UNC79: variants seen among roughly 807,000 people sequenced by gnomAD.
The protein encoded by UNC79 is unc-79 subunit of NALCN channel complex, also known as protein unc-79 homolog.
In UNC79, 37 loss-of-function variants were observed where a neutral mutation model predicts 283.1. The observed-to-expected ratio is 0.13, with a 90% CI of 0.10 to 0.17. UNC79 has a LOEUF of 0.17. UNC79 is among the 10% of genes least tolerant of loss of function. The pLI, the probability that UNC79 is intolerant of heterozygous loss-of-function variation, is 1.00. For synonymous variants in UNC79, 1,107 were observed against 1,200.2 expected (o/e 0.92, Z 1.61); for missense variants, 2,272 against 3,211.1 (o/e 0.71, Z 7.07).
At chr14:93,593,566 A>C (rs1228816105) in intron 22 of UNC79, 114 bp from the exon 23 acceptor site, 3 of 1,284,058 alleles carry the variant, frequency 2.3e-6, no homozygotes, top group Non-Finnish European at 3.2e-6. Context: ...ATTTCACCAA[A>C]AGCACCCCTA....
chr14:93,598,102 T>TG (rs2065208606), intron 24 of UNC79, among the ~76,000 whole-genome samples: 1 of 152,100 alleles, frequency 6.6e-6, no homozygotes, highest in Non-Finnish European at 1.5e-5. Flanking sequence ...TCCTCCTTCC[T>TG]CAGCCTCCTG....
intron 10 of UNC79, among the ~76,000 whole-genome samples, chr14:93,530,259 A>G (rs1416500231): frequency 1.3e-5 from 2 of 152,072 alleles, no homozygotes; most frequent in African/African-American, 2.4e-5. Flanking sequence ...TCAAAGGCAC[A>G]TTTTGAAAAT....
At chr14:93,502,911 T>C (rs1192912296) in intron 7 of UNC79, among the ~76,000 whole-genome samples, 1 of 152,220 alleles carries the variant, frequency 6.6e-6, no homozygotes, top group African/African-American at 2.4e-5. Flanking sequence ...TGCAAGAAGG[T>C]CTACCAGTTC....
At chr14:93,563,449 T>A (rs902526297) in intron 14 of UNC79, among the ~76,000 whole-genome samples, 3 of 152,112 alleles carry the variant, frequency 2.0e-5, no homozygotes, top group African/African-American at 7.2e-5. Context: ...AACAGCATGG[T>A]GGTACAGGAT....
chr14:93,451,005 A>G lies in UNC79; in HGVS notation c.23-16666A>G, dbSNP rs956371963. On this transcript the variant is annotated intron_variant, in intron 1 of 48. Coordinates refer to ENST00000555664, the Ensembl canonical transcript of UNC79. ...AAACCTTCTATTGATTATTCCTGGGATTATGTTTTTTATCTACAAAAACTT... is the reference window on the plus strand; with the variant it reads ...AAACCTTCTATTGATTATTCCTGGGGTTATGTTTTTTATCTACAAAAACTT... 9.9e-5 allele frequency among the ~76,000 whole-genome samples: 15 copies of G among 151,788 alleles called. 1 individual carries two copies.
At chr14:93,417,464 T>G (rs988364008) in intron 1 of UNC79, among the ~76,000 whole-genome samples, 1 of 152,166 alleles carries the variant, frequency 6.6e-6, no homozygotes, top group African/African-American at 2.4e-5. Flanking sequence ...ATTTTTTCCT[T>G]CATTTCAACT....
chr14:93,479,586 C>CT (rs1401457816), intron 4 of UNC79, among the ~76,000 whole-genome samples: 7 of 152,172 alleles, frequency 4.6e-5, no homozygotes, highest in South Asian at 2.1e-4. Flanking sequence ...GCGTGAGCCA[C>CT]TGCACCTGGC....
rs1339533057 is a variant in UNC79, at chr14:93,688,630, C to G, written c.6910-35C>G. The G allele has an allele frequency of 1.3e-6, 2 of 1,599,828 alleles. No individual in the cohort carries two copies. Among genetic ancestry groups the G allele is most frequent in the Non-Finnish European group, 8.5e-7 (1 of 1,171,320 alleles). The stretch of plus-strand genomic sequence containing the variant: ...AATGGCCTGGAATGAATCCAGGTGT[C>G]TGCCAGAGTTACAAAATACCATTCG... On this transcript the variant is annotated intron_variant, in intron 43 of 48. Coordinates refer to ENST00000555664, the Ensembl canonical transcript of UNC79. The surrounding 1 kb of genome is among the most constrained non-coding windows in gnomAD (Gnocchi z 4.0).
intron 14 of UNC79, among the ~76,000 whole-genome samples, chr14:93,568,336 A>G (rs1393367017): frequency 6.6e-6 from 1 of 152,120 alleles, no homozygotes; most frequent in Non-Finnish European, 1.5e-5. Context: ...ACAAACATAC[A>G]GACACAAATA....
intron 17 of UNC79, among the ~76,000 whole-genome samples, chr14:93,576,507 C>T (rs546752412): frequency 2.6e-5 from 4 of 152,154 alleles, no homozygotes; most frequent in Admixed American, 6.5e-5. Context: ...GGTCCTGATT[C>T]AGAATTTATC....
At chr14:93,396,343 G>A (rs867784757) in intron 1 of UNC79, among the ~76,000 whole-genome samples, 1 of 151,592 alleles carries the variant, frequency 6.6e-6, no homozygotes, top group Non-Finnish European at 1.5e-5. Flanking sequence ...TAATCCTTTA[G>A]ATATGATTTA....
rs758088718 is a variant in UNC79, at chr14:93,641,166, T to C, written c.5822T>C (p.Leu1941Pro). ...CCAGGTGCCACCAAATCCAGCCTGC[T>C]ATCAGCACCAAGCATAGTCAGTATG... Residue 1941 changes from leucine to proline, a missense_variant, in exon 33 of 49, where the codon CTA becomes CCA. Leu to Pro is a moderately conservative substitution (Grantham distance 98, BLOSUM62 -3). This residue lies in a region of UNC79 where 580 missense variants were observed against 632.2 expected (regional missense o/e 0.92). Coordinates refer to ENST00000555664, the Ensembl canonical transcript of UNC79. The C allele has an allele frequency of 1.2e-6, 2 of 1,613,460 alleles. No individual in the cohort carries two copies. Among genetic ancestry groups the C allele is most frequent in the Admixed American group, 1.7e-5 (1 of 60,004 alleles).
chr14:93,587,655 A>G lies in UNC79; in HGVS notation c.3032+747A>G, dbSNP rs368505821. On this transcript the variant is annotated intron_variant, in intron 22 of 48. Transcript: ENST00000555664. ...TAGTTTGGAAGGGGGTGAATCCTATATAGAGAAAAGGTGACCATATAATTT... is the reference window on the plus strand; with the variant it reads ...TAGTTTGGAAGGGGGTGAATCCTATGTAGAGAAAAGGTGACCATATAATTT... 3.3e-5 allele frequency among the ~76,000 whole-genome samples: 5 copies of G among 152,336 alleles called. No homozygotes were observed. The East Asian group carries it at 9.6e-4, about 29-fold the overall frequency.
chr14:93,497,423 A>G (rs1045007095), intron 7 of UNC79, 137 bp downstream of exon 7: 70 of 1,240,002 alleles, frequency 5.6e-5, no homozygotes, highest in Non-Finnish European at 7.3e-5. Context: ...ATCCTTTCTG[A>G]AACTAAGTGG....
At chr14:93,602,699 GGT>G (rs375611779) in intron 25 of UNC79, among the ~76,000 whole-genome samples, 2 of 152,232 alleles carry the variant, frequency 1.3e-5, no homozygotes, top group Non-Finnish European at 2.9e-5. Flanking sequence ...GATGTGTAGT[GGT>G]GTCATCATAG....
chr14:93,611,966 A>G (rs2066343492), intron 26 of UNC79, among the ~76,000 whole-genome samples: 1 of 152,228 alleles, frequency 6.6e-6, no homozygotes, highest in Non-Finnish European at 1.5e-5. Context: ...CAGAAGAACA[A>G]AGAGAGACAA....
chr14:93,341,793 C>G (rs2053718178), intron 1 of UNC79, among the ~76,000 whole-genome samples: 1 of 152,088 alleles, frequency 6.6e-6, no homozygotes, highest in Admixed American at 6.6e-5. Context: ...CAAGGGCATG[C>G]CACAGTTAAC....
At chr14:93,608,347 G>T (rs1348779297) in intron 26 of UNC79, among the ~76,000 whole-genome samples, 1 of 152,206 alleles carries the variant, frequency 6.6e-6, no homozygotes, top group African/African-American at 2.4e-5. Context: ...AAAGGGAGGG[G>T]AGCTTTCTAC....
chr14:93,642,911 CT>C (rs2140225209), intron 33 of UNC79, among the ~76,000 whole-genome samples: 1 of 152,224 alleles, frequency 6.6e-6, no homozygotes, highest in South Asian at 2.1e-4. Flanking sequence ...GAAATGGACC[CT>C]ACATTAGGAC....
Sources: allele counts gnomAD v4.1 joint callset (sites outside exome capture counted in the v4.1 genomes callset), GRCh38; gene constraint gnomAD v4.1.1; regional missense constraint gnomAD v4.1.1; non-coding constraint Gnocchi (gnomAD v3.1); transcripts MANE v1.5; gene names NCBI Gene and HGNC (gene_info 2026-07-23, HGNC 2026-07-21).